The following DCLK1 variants were observed in gnomAD, a reference collection of about 807,000 sequenced individuals.
DCLK1 encodes doublecortin like kinase 1.
DCLK1 carries 16 observed loss-of-function variants against 86.2 expected under a neutral mutation model. That is an observed-to-expected ratio of 0.19 (90% CI 0.13 to 0.28). The LOEUF is 0.28. Ranked by LOEUF, DCLK1 falls within the 10% of genes least tolerant of loss-of-function variation. DCLK1 has a pLI of 1.00. For missense variants in DCLK1, 590 were observed against 940.2 expected (o/e 0.63, Z 4.87); for synonymous variants, 369 against 370.5 (o/e 1.00, Z 0.05).
intron 6 of DCLK1, chr13:35,849,081 A>G (rs1166712568): frequency 1.0e-6 from 1 of 985,362 alleles, no homozygotes; most frequent in Non-Finnish European, 1.2e-6. Context: ...TTTCTCTCCA[A>G]CAGACAGCAT....
intron 4 of DCLK1, among the ~76,000 whole-genome samples, chr13:35,914,356 T>TATATATATGTATATATATATATATAC (rs1566600278): frequency 5.7e-4 from 11 of 19,176 alleles, no homozygotes; most frequent in Admixed American, 2.4e-3. Flanking sequence ...TATACATATA[T>TATATATATGTATATATATATATATAC]ATATATATAT....
At chr13:36,065,890 C>A (rs1245170881) in intron 3 of DCLK1, among the ~76,000 whole-genome samples, 1 of 152,126 alleles carries the variant, frequency 6.6e-6, no homozygotes. Flanking sequence ...AGTAGAGTAT[C>A]TATGCACATT....
intron 16 of DCLK1, among the ~76,000 whole-genome samples, chr13:35,788,749 A>G (rs2086661793): frequency 6.6e-6 from 1 of 152,194 alleles, no homozygotes; most frequent in Non-Finnish European, 1.5e-5. Flanking sequence ...TTGAAACCTC[A>G]TCAATTACAG....
chr13:35,807,740 C>T (rs978898585), intron 14 of DCLK1, among the ~76,000 whole-genome samples: 3 of 152,180 alleles, frequency 2.0e-5, no homozygotes, highest in African/African-American at 7.2e-5. Context: ...TTAGATAGCA[C>T]ACCAGATGGA....
At chr13:35,953,497 A>C (rs1287644152) in intron 3 of DCLK1, among the ~76,000 whole-genome samples, 3 of 152,152 alleles carry the variant, frequency 2.0e-5, no homozygotes, top group Non-Finnish European at 4.4e-5. Flanking sequence ...CAAGGAAGAC[A>C]TATTCCTTTT....
intron 3 of DCLK1, among the ~76,000 whole-genome samples, chr13:36,029,463 C>G (rs1882179784): frequency 6.6e-6 from 1 of 152,300 alleles, no homozygotes; most frequent in South Asian, 2.1e-4. Context: ...TGAATGAATA[C>G]ACGTATCTCA....
Position 35,817,136 on chromosome 13 carries a change from G to A in DCLK1, c.1554+5593C>T, listed in dbSNP as rs527609225. 5.3e-5 allele frequency among the ~76,000 whole-genome samples: 8 copies of A among 152,300 alleles called. No individual in the cohort carries two copies. In the South Asian group the frequency reaches 1.2e-3, roughly 24 times the overall value. On this transcript the variant is annotated intron_variant, in intron 11 of 16. Coordinates refer to ENST00000360631, the MANE Select transcript of DCLK1 (RefSeq NM_001330071.2). Reference sequence around the variant, plus strand: ...CATCTCTTAATGACAGCAGAAAGGAGCAGTGAATTAGACAAACACAGACCC... The same window carrying A: ...CATCTCTTAATGACAGCAGAAAGGAACAGTGAATTAGACAAACACAGACCC...
chr13:35,867,945 G>GA (rs1296364325), intron 5 of DCLK1, among the ~76,000 whole-genome samples: 3 of 140,670 alleles, frequency 2.1e-5, no homozygotes, highest in Admixed American at 1.4e-4. Context: ...AAGAAAGAAA[G>GA]AAAGAAAGAA....
chr13:35,931,186 G>C (rs1876410808), intron 4 of DCLK1, among the ~76,000 whole-genome samples: 1 of 152,168 alleles, frequency 6.6e-6, no homozygotes, highest in Non-Finnish European at 1.5e-5. Flanking sequence ...GGCTAGGCAG[G>C]CCTCTAGCAG....
At chr13:35,966,293 C>A (rs998939187) in intron 3 of DCLK1, among the ~76,000 whole-genome samples, 10 of 152,056 alleles carry the variant, frequency 6.6e-5, no homozygotes, top group African/African-American at 2.4e-4. Context: ...TGGGTATATG[C>A]CCAAAAGAAC....
At chr13:35,944,861 T>C (rs1240640646) in intron 4 of DCLK1, among the ~76,000 whole-genome samples, 1 of 152,104 alleles carries the variant, frequency 6.6e-6, no homozygotes, top group Non-Finnish European at 1.5e-5. Flanking sequence ...CTTGTGTGCA[T>C]ATCTCCGTAT....
At chr13:35,799,633 T>C (rs952976736) in intron 15 of DCLK1, among the ~76,000 whole-genome samples, 1 of 151,964 alleles carries the variant, frequency 6.6e-6, no homozygotes, top group Admixed American at 6.6e-5. Context: ...TCCTAGAGTA[T>C]CAGAAGAATA....
chr13:35,826,540 A>AGGAGGGAAGGAAGG (rs1382422000), intron 10 of DCLK1, among the ~76,000 whole-genome samples: 8 of 92,788 alleles, frequency 8.6e-5, no homozygotes, highest in African/African-American at 2.6e-4. Flanking sequence ...AAAAAAAAAA[A>AGGAGGGAAGGAAGG]AAGAAAGAAA....
At chr13:35,789,863 C>T (rs1415140861) in intron 16 of DCLK1, among the ~76,000 whole-genome samples, 1 of 152,004 alleles carries the variant, frequency 6.6e-6, no homozygotes, top group African/African-American at 2.4e-5. Flanking sequence ...TTTTAATAAC[C>T]TTTTGTTTCC....
chr13:35,772,849 A>G lies in DCLK1; in HGVS notation c.*1686T>C, dbSNP rs1281067102. 1 of 152,208 alleles carries G rather than the reference A, an allele frequency of 6.6e-6. No homozygotes were observed. The highest frequency in any genetic ancestry group is 1.5e-5 in the Non-Finnish European group (1 of 68,034). 9.4% of individuals were successfully genotyped at this position (152,208 alleles called of 1,614,324 possible). A position where few individuals can be genotyped will look rare whatever the true frequency, so the allele number is the denominator to read the frequency against. ...ATAGTTTCAGGGTTGAAGAGTAAAA[A>G]TGCAGCAAGTGAAGATCAATGTGCA... is the stretch of plus-strand genomic sequence containing the variant. On this transcript the variant is annotated 3_prime_UTR_variant, in exon 17 of 17. Transcript: ENST00000360631.
intron 3 of DCLK1, among the ~76,000 whole-genome samples, chr13:35,954,491 G>A (rs1877873390): frequency 6.6e-6 from 1 of 152,120 alleles, no homozygotes; most frequent in Non-Finnish European, 1.5e-5. Context: ...CTATAATCAT[G>A]TAATTCCATA....
rs1185580270 is a variant in DCLK1 at position 35,947,451 on chromosome 13, A to G, written c.730T>C (p.Cys244Arg). 1 of 1,613,504 alleles carries G rather than the reference A, an allele frequency of 6.2e-7. No individual in the cohort carries two copies. The highest frequency in any genetic ancestry group is 1.1e-5 in the South Asian group (1 of 91,034). Reference protein sequence around the residue: ...LYTLDGKQVMCLQDFFGDDDI... With the variant: ...LYTLDGKQVMRLQDFFGDDDI... ...TCATCACCAAAAAAGTCCTGAAGGC[A>G]CATCACCTACAAGAGAAAAGCATGG... The change falls in exon 4 of 17, where the codon TGC becomes CGC. Residue 244 changes from cysteine (C) to arginine (R), a missense_variant. Transcript: ENST00000360631.
chr13:35,882,165 T>C (rs1365624951), intron 4 of DCLK1, among the ~76,000 whole-genome samples: 6 of 152,164 alleles, frequency 3.9e-5, no homozygotes, highest in Non-Finnish European at 4.4e-5. Context: ...TCGCTTATAG[T>C]TTCTGGTGAC....
At chr13:36,024,586 C>G (rs1881954551) in intron 3 of DCLK1, among the ~76,000 whole-genome samples, 1 of 152,024 alleles carries the variant, frequency 6.6e-6, no homozygotes, top group Non-Finnish European at 1.5e-5. Flanking sequence ...TTAAAGAAGT[C>G]CAAAATAAAT....
Sources: allele counts gnomAD v4.1 joint callset (sites outside exome capture counted in the v4.1 genomes callset), GRCh38; gene constraint gnomAD v4.1.1; transcripts MANE v1.5; gene names NCBI Gene and HGNC (gene_info 2026-07-23, HGNC 2026-07-21).